Variants in PRSS58 observed in about 807,000 individuals in gnomAD.
PRSS58 encodes protease, serine 58.
A neutral mutation model predicts 25.0 loss-of-function variants in PRSS58; 31 were observed. That is an observed-to-expected ratio of 1.24 (90% CI 0.93 to 1.67). PRSS58 has a LOEUF of 1.67. Among genes scored for constraint, PRSS58 ranks in the 40% most tolerant of loss-of-function variants. PRSS58 has a pLI of 0.00. For missense variants in PRSS58, 324 were observed against 287.9 expected (o/e 1.13, Z -0.91); for synonymous variants, 119 against 106.1 (o/e 1.12, Z -0.75).
rs762890017 is a variant in PRSS58, at chr7:142,257,751, G to T, written c.-41-3C>A. On this transcript the variant is annotated splice_polypyrimidine_tract_variant and splice_region_variant and intron_variant, in intron 1 of 5. Coordinates refer to ENST00000547058, the MANE Select transcript of PRSS58 (RefSeq NM_001001317.5). ...GTTTAGCTCCAGTCTCTGGAAAACT[G>T]GGAAGAGAGAGAGAAAACAACTAAA... 5.9e-6 allele frequency: 9 copies of T among 1,514,578 alleles called. No homozygotes were observed. The highest frequency in any genetic ancestry group is 7.3e-6 in the Non-Finnish European group (8 of 1,092,136). The allele number at this position is 1,514,578 out of a possible 1,614,324, so 93.8% of individuals were successfully genotyped here.
intron 3 of PRSS58, 101 bp from the exon 4 acceptor site, chr7:142,255,412 C>A: frequency 7.0e-6 from 11 of 1,575,868 alleles, no homozygotes; most frequent in Non-Finnish European, 9.6e-6. Flanking sequence ...TCTGTACCCT[C>A]GTATGTCTCC....
intron 4 of PRSS58, 101 bp from the exon 5 acceptor site, chr7:142,252,712 A>G: frequency 1.6e-6 from 2 of 1,283,578 alleles, no homozygotes; most frequent in Non-Finnish European, 2.1e-6. Flanking sequence ...ATTAAAAGAG[A>G]TCAAACATTC....
At position 142,252,520 on chromosome 7, in the gene PRSS58, T is replaced by C; in HGVS notation, c.528A>G (p.Glu176=). 1 of 1,614,192 alleles carries C rather than the reference T, an allele frequency of 6.2e-7. No individual in the cohort carries two copies. The highest frequency in any genetic ancestry group is 8.5e-7 in the Non-Finnish European group (1 of 1,180,024). The part of the protein sequence containing the change: ...RDAYKTYNIT[E]NMLCVGIVPG... ...GCACAATGCCCACACACAGCATATT[T>C]TCCGTGATGTTGTAGGTTTTATAGG... The change falls in exon 5 of 6, where the codon GAA becomes GAG. Residue 176 remains glutamate (E), a synonymous_variant. Coordinates refer to ENST00000547058, the MANE Select transcript of PRSS58 (RefSeq NM_001001317.5).
Position 142,256,289 on chromosome 7 carries a change from C to T in PRSS58, c.41-616G>A, listed in dbSNP as rs78700551. ...ATATTCAGTAATAATAAACACAACA[C>T]ACAAATAAACTATGTAGGATGTTAA... On this transcript the variant is annotated intron_variant, in intron 2 of 5. Coordinates refer to ENST00000547058, the MANE Select transcript of PRSS58 (RefSeq NM_001001317.5). Among the ~76,000 whole-genome samples the T allele has an allele frequency of 9.2e-3, 1,400 of 152,198 alleles. 24 individuals carry two copies. Among genetic ancestry groups the T allele is most frequent in the African/African-American group, 0.031 (1,305 of 41,500 alleles).
In PRSS58 at chr7:142,257,688, C is replaced by T. The variant is rs749665767; in HGVS notation, c.20G>A (p.Trp7Ter). The change falls in exon 2 of 6, where the codon TGG becomes TAG. Residue 7 changes from tryptophan (W) to a stop codon, truncating the protein, a stop_gained. Coordinates refer to ENST00000547058, the MANE Select transcript of PRSS58 (RefSeq NM_001001317.5). LOFTEE classifies it high-confidence loss of function. MKFILL[W>*]ALLNLTVALA... ...CTCACCAGTCAGATTCAAGAGAGCC[C>T]AGAGGAGGATAAACTTCATGATGAT... 1 of 1,613,202 alleles carries T rather than the reference C, an allele frequency of 6.2e-7. No individual in the cohort carries two copies. The highest frequency in any genetic ancestry group is 1.1e-5 in the South Asian group (1 of 91,020).
rs1380055281 is a variant in PRSS58, at chr7:142,255,054, C to G, written c.436+1G>C. 1.2e-6 allele frequency: 2 copies of G among 1,613,724 alleles called. No homozygotes were observed. The highest frequency in any genetic ancestry group is 1.1e-5 in the South Asian group (1 of 91,054). On this transcript the variant is annotated splice_donor_variant, in intron 4 of 5. Coordinates refer to ENST00000547058, the MANE Select transcript of PRSS58 (RefSeq NM_001001317.5). LOFTEE classifies it high-confidence loss of function. ...AGAGAAGAACATTGTCTTGAACTCACAGATATCACACACATTGTAGCTCCA... is the reference window on the plus strand; with the variant it reads ...AGAGAAGAACATTGTCTTGAACTCAGAGATATCACACACATTGTAGCTCCA...
chr7:142,255,594 G>A lies in PRSS58; in HGVS notation c.120C>T (p.Pro40=). 1 of 1,614,048 alleles carries A rather than the reference G, an allele frequency of 6.2e-7. No individual in the cohort carries two copies. The highest frequency in any genetic ancestry group is 1.7e-5 in the Admixed American group (1 of 60,002). The change falls in exon 3 of 6, where the codon CCC becomes CCT. Residue 40 remains proline (P), a synonymous_variant. Transcript: ENST00000547058. ...GCGGGTGGATCAGGACTCCAGCGCA[G>A]GGCAAGTAGTCAGATTTCAAATAGA... ...YLVYLKSDYL[P]CAGVLIHPLW...
chr7:142,255,968 A>AT (rs1207536855), intron 2 of PRSS58, among the ~76,000 whole-genome samples: 5 of 152,296 alleles, frequency 3.3e-5, no homozygotes, highest in African/African-American at 1.2e-4. Context: ...AAATCAACGA[A>AT]TTTTTTTCAC....
Position 142,252,454 on chromosome 7 carries a change from G to A in PRSS58, c.576+18C>T. 6.2e-7 allele frequency: 1 copy of A among 1,611,898 alleles called. No homozygotes were observed. Among genetic ancestry groups the A allele is most frequent in the East Asian group, 2.2e-5 (1 of 44,872 alleles). ...GAAGGAAGAAAATGGGAAAATTAAT[G>A]GATGAAGAGTATTTTACCTTGCAGG... On this transcript the variant is annotated intron_variant, in intron 5 of 5. Coordinates refer to ENST00000547058, the MANE Select transcript of PRSS58 (RefSeq NM_001001317.5).
intron 2 of PRSS58, among the ~76,000 whole-genome samples, chr7:142,256,905 G>C (rs1798565245): frequency 6.6e-6 from 1 of 152,204 alleles, no homozygotes; most frequent in Non-Finnish European, 1.5e-5. Context: ...CCTGAGGCTT[G>C]TGTCAGTTAC....
chr7:142,257,748 A>G lies in PRSS58; in HGVS notation c.-41T>C. On this transcript the variant is annotated splice_region_variant and 5_prime_UTR_variant, in exon 2 of 6. Coordinates refer to ENST00000547058, the MANE Select transcript of PRSS58 (RefSeq NM_001001317.5). ...CCAGTTTAGCTCCAGTCTCTGGAAA[A>G]CTGGGAAGAGAGAGAGAAAACAACT... 6.5e-7 allele frequency: 1 copy of G among 1,547,826 alleles called. No individual in the cohort carries two copies. The highest frequency in any genetic ancestry group is 8.9e-7 in the Non-Finnish European group (1 of 1,120,614).
intron 2 of PRSS58, among the ~76,000 whole-genome samples, chr7:142,256,805 T>A (rs1048829909): frequency 6.6e-6 from 1 of 152,104 alleles, no homozygotes; most frequent in Non-Finnish European, 1.5e-5. Context: ...TCATGGGCAA[T>A]GTTGAACAAT....
chr7:142,257,604 G>A (rs12531935), intron 2 of PRSS58, 64 bp downstream of exon 2: 174,881 of 1,392,136 alleles, frequency 0.13, 13,888 homozygotes, highest in African/African-American at 0.34. Flanking sequence ...GCTGTTACCC[G>A]TCTTTCATGC....
chr7:142,257,817 C>A (rs760032102), intron 1 of PRSS58, 69 bp from the exon 2 acceptor site: 3 of 874,902 alleles, frequency 3.4e-6, no homozygotes, highest in Non-Finnish European at 5.6e-6. Flanking sequence ...AATATATCAT[C>A]TGAATTATTT....
chr7:142,255,260 C>G lies in PRSS58; in HGVS notation c.231G>C (p.Lys77Asn). Residue 77 changes from lysine to asparagine, a missense_variant, in exon 4 of 6, where the codon AAG (lysine) becomes AAC (asparagine). Coordinates refer to ENST00000547058, the MANE Select transcript of PRSS58 (RefSeq NM_001001317.5). ...TCTCATAGCCAATCACTTGCAGATG[C>G]TTTTCATTAGAGTCTGCTGGGATTG... ...GVTIPADSNE[K>N]HLQVIGYEKM... The G allele has an allele frequency of 6.2e-7, 1 of 1,613,932 alleles. No homozygotes were observed. Among genetic ancestry groups the G allele is most frequent in the Non-Finnish European group, 8.5e-7 (1 of 1,179,854 alleles).
At chr7:142,253,365 T>C (rs1434187066) in intron 4 of PRSS58, among the ~76,000 whole-genome samples, 2 of 152,206 alleles carry the variant, frequency 1.3e-5, no homozygotes, top group Non-Finnish European at 2.9e-5. Flanking sequence ...CATATAAAGC[T>C]AGTAAATGGT....
rs754565345 is a variant in PRSS58, at chr7:142,255,092, G to A, written c.399C>T (p.Cys133=). 4.3e-6 allele frequency: 7 copies of A among 1,613,846 alleles called. No individual in the cohort carries two copies. The highest frequency in any genetic ancestry group is 2.2e-5 in the South Asian group (2 of 91,076). The change falls in exon 4 of 6, where the codon TGC becomes TGT. Residue 133 remains cysteine, a synonymous_variant. Coordinates refer to ENST00000547058, the MANE Select transcript of PRSS58 (RefSeq NM_001001317.5). ...CATTGTAGCTCCAGGTAGAGACAGA[G>A]CACATGGTATTTTCAGAGATAGTTT... ...PYQTISENTM[C]SVSTWSYNVC...
intron 2 of PRSS58, among the ~76,000 whole-genome samples, chr7:142,255,961 T>A (rs535433403): frequency 6.6e-6 from 1 of 152,328 alleles, no homozygotes; most frequent in Admixed American, 6.5e-5. Context: ...GTATGCTAAA[T>A]CAACGAATTT....
At position 142,257,657 on chromosome 7, in the gene PRSS58, C is replaced by T; in HGVS notation, c.40+11G>A. The T allele has an allele frequency of 1.2e-6, 2 of 1,608,922 alleles. No homozygotes were observed. Among genetic ancestry groups the T allele is most frequent in the African/African-American group, 1.3e-5 (1 of 74,916 alleles). On this transcript the variant is annotated intron_variant, in intron 2 of 5. Transcript: ENST00000547058. ...TTTGGTGGGTAAAGAGACAAATATG[C>T]ACACACTCACCAGTCAGATTCAAGA...
Sources: gnomAD v4.1 joint callset for allele counts (sites outside exome capture counted in the v4.1 genomes callset) on GRCh38, gnomAD v4.1.1 for gene constraint, MANE v1.5 for transcripts, NCBI Gene and HGNC (gene_info 2026-07-23, HGNC 2026-07-21) for gene names.